Variants in CSMD3 observed in about 807,000 individuals in gnomAD.
CSMD3 encodes the protein CUB and sushi domain-containing protein 3.
In CSMD3, 177 loss-of-function variants were observed where a neutral mutation model predicts 435.2. That is an observed-to-expected ratio of 0.41 (90% CI 0.36 to 0.46). The LOEUF (loss-of-function observed/expected upper bound fraction) is 0.46, where lower values mean the gene tolerates loss of function less well. CSMD3 is among the 20% of genes least tolerant of loss of function. The probability of loss-of-function intolerance (pLI) is 0.34; values close to 1 mark genes in which losing one functional copy is unlikely to be tolerated. For synonymous variants in CSMD3, 1,656 were observed against 1,520.5 expected (o/e 1.09, Z -2.07); for missense variants, 4,265 against 4,504.6 (o/e 0.95, Z 1.52).
chr8:112,740,464 C>T (rs1372951115), intron 13 of CSMD3, among the ~76,000 whole-genome samples: 1 of 151,468 alleles, frequency 6.6e-6, no homozygotes, highest in Admixed American at 6.6e-5. Context: ...ACTGAAGATT[C>T]TAAGGTGAGT....
At chr8:113,065,569 T>A (rs1244772667) in intron 5 of CSMD3, among the ~76,000 whole-genome samples, 1 of 152,074 alleles carries the variant, frequency 6.6e-6, no homozygotes. Context: ...TTTGTATTTT[T>A]AGTAGAGACA....
chr8:112,673,884 C>G (rs748445849), intron 16 of CSMD3, among the ~76,000 whole-genome samples: 4 of 152,068 alleles, frequency 2.6e-5, no homozygotes, highest in African/African-American at 4.8e-5. Context: ...GGAGTTCTTG[C>G]TTGAGTAAGC....
intron 16 of CSMD3, among the ~76,000 whole-genome samples, chr8:112,679,981 C>A (rs1366359819): frequency 6.6e-6 from 1 of 152,148 alleles, no homozygotes; most frequent in Non-Finnish European, 1.5e-5. Flanking sequence ...CTGTGTCCTC[C>A]CCTGCAGTCA....
intron 10 of CSMD3, among the ~76,000 whole-genome samples, chr8:112,920,220 AG>A (rs1175753115): frequency 6.6e-6 from 1 of 151,758 alleles, no homozygotes; most frequent in Non-Finnish European, 1.5e-5. Context: ...AGGATAAAGG[AG>A]GGGGGAAAGA....
At chr8:113,202,950 G>T (rs1162183945) in intron 3 of CSMD3, among the ~76,000 whole-genome samples, 1 of 152,020 alleles carries the variant, frequency 6.6e-6, no homozygotes, top group Admixed American at 6.6e-5. Context: ...CTAGTATTTG[G>T]CAATTTATGG....
intron 32 of CSMD3, among the ~76,000 whole-genome samples, chr8:112,470,112 A>C (rs1255566085): frequency 6.6e-6 from 1 of 152,200 alleles, no homozygotes; most frequent in Non-Finnish European, 1.5e-5. Context: ...GTATTTGTTT[A>C]CTACCATTAT....
chr8:113,421,690 C>T (rs936246655), intron 1 of CSMD3, among the ~76,000 whole-genome samples: 6 of 152,020 alleles, frequency 3.9e-5, no homozygotes, highest in Admixed American at 2.0e-4. Context: ...CTCCTCTTCC[C>T]CTAGCCATCC....
chr8:112,878,389 A>G (rs1175091859), intron 10 of CSMD3, among the ~76,000 whole-genome samples: 1 of 152,188 alleles, frequency 6.6e-6, no homozygotes, highest in Non-Finnish European at 1.5e-5. Context: ...GTCAGTTAGA[A>G]TGGCAATCAT....
chr8:112,585,854 A>G (rs1830683002), intron 23 of CSMD3, among the ~76,000 whole-genome samples: 2 of 151,636 alleles, frequency 1.3e-5, no homozygotes, highest in East Asian at 1.9e-4. Flanking sequence ...CCTCAGTTCT[A>G]TATACAAGCA....
chr8:113,218,509 T>C (rs1421428623), intron 3 of CSMD3, among the ~76,000 whole-genome samples: 4 of 149,594 alleles, frequency 2.7e-5, no homozygotes, highest in African/African-American at 7.3e-5. Flanking sequence ...CAATTGAACT[T>C]ATCCCAGGAA....
At chr8:112,594,306 G>C (rs779403546) in intron 22 of CSMD3, among the ~76,000 whole-genome samples, 51 of 152,248 alleles carry the variant, frequency 3.3e-4, no homozygotes, top group African/African-American at 1.1e-3. Flanking sequence ...TGCGCTTTTC[G>C]GACCGGCTTA....
At chr8:113,198,860 C>T (rs775312605) in intron 3 of CSMD3, among the ~76,000 whole-genome samples, 3 of 150,672 alleles carry the variant, frequency 2.0e-5, no homozygotes, top group Non-Finnish European at 4.5e-5. Context: ...TATCAAAATC[C>T]CCAAAAGAAT....
At chr8:112,767,744 T>C (rs1412077619) in intron 13 of CSMD3, among the ~76,000 whole-genome samples, 1 of 151,828 alleles carries the variant, frequency 6.6e-6, no homozygotes, top group Non-Finnish European at 1.5e-5. Flanking sequence ...ATGTATCTAC[T>C]CCTAATTTTA....
At chr8:112,323,573 T>C (rs1823217402) in intron 45 of CSMD3, among the ~76,000 whole-genome samples, 1 of 152,058 alleles carries the variant, frequency 6.6e-6, no homozygotes, top group Non-Finnish European at 1.5e-5. Flanking sequence ...GGTAAGATGG[T>C]CATGTGATGA....
intron 10 of CSMD3, among the ~76,000 whole-genome samples, chr8:112,894,355 C>T (rs1488566942): frequency 1.3e-5 from 2 of 151,364 alleles, no homozygotes; most frequent in Non-Finnish European, 1.5e-5. Flanking sequence ...TTGTGTGTCA[C>T]AGGGTGAGCA....
At chr8:113,238,309 G>C (rs1458797545) in intron 3 of CSMD3, among the ~76,000 whole-genome samples, 1 of 152,124 alleles carries the variant, frequency 6.6e-6, no homozygotes, top group Non-Finnish European at 1.5e-5. Flanking sequence ...AGTGGGGCCA[G>C]CGGCTTTGCT....
intron 13 of CSMD3, among the ~76,000 whole-genome samples, chr8:112,723,773 A>G (rs907750922): frequency 6.6e-6 from 1 of 152,126 alleles, no homozygotes; most frequent in Non-Finnish European, 1.5e-5. Flanking sequence ...CATCCCTACA[A>G]GAGGAAACAA....
At chr8:113,107,041 C>T (rs2090499333) in intron 4 of CSMD3, among the ~76,000 whole-genome samples, 1 of 152,186 alleles carries the variant, frequency 6.6e-6, no homozygotes, top group Non-Finnish European at 1.5e-5. Context: ...ACCTATGCTC[C>T]CTTCCCCCTG....
At chr8:112,403,265 C>G (rs1346148021) in intron 35 of CSMD3, among the ~76,000 whole-genome samples, 2 of 152,176 alleles carry the variant, frequency 1.3e-5, no homozygotes, top group Non-Finnish European at 2.9e-5. Flanking sequence ...ATCCTGCCTC[C>G]ACTCTAACCC....
Sources: allele counts gnomAD v4.1 joint callset (sites outside exome capture counted in the v4.1 genomes callset), GRCh38; gene constraint gnomAD v4.1.1; transcripts MANE v1.5; gene names NCBI Gene and HGNC (gene_info 2026-07-23, HGNC 2026-07-21).